Variants in SLC5A4 observed in about 807,000 individuals in gnomAD.
The protein encoded by SLC5A4 is probable glucose sensor protein SLC5A4.
SLC5A4 carries 55 observed loss-of-function variants against 70.3 expected under a neutral mutation model. The ratio of observed to expected loss-of-function variants is 0.78; its 90% CI spans 0.63 to 0.98. The LOEUF (loss-of-function observed/expected upper bound fraction) is 0.98. SLC5A4 is among the 50% of genes least tolerant of loss of function. The pLI is 0.00. For synonymous variants in SLC5A4, 268 were observed against 305.7 expected (o/e 0.88, Z 1.29); for missense variants, 735 against 839.2 (o/e 0.88, Z 1.53).
chr22:32,270,415 A>G, the SLC5A4 span: 7 of 1,453,872 alleles, frequency 4.8e-6, no homozygotes, highest in African/African-American at 1.4e-5. Context: ...CGACATGTGG[A>G]CAGTCATCGC....
chr22:32,239,555 T>A (rs933968725), intron 5 of SLC5A4, among the ~76,000 whole-genome samples: 768 of 15,418 alleles, frequency 0.05, 30 homozygotes, highest in Non-Finnish European at 0.072. Context: ...TATATATATA[T>A]ATATATATAT....
chr22:32,283,521 T>C, the SLC5A4 span, among the ~76,000 whole-genome samples: 2 of 152,244 alleles, frequency 1.3e-5, no homozygotes, highest in Admixed American at 1.3e-4. Flanking sequence ...GTGCATTGTT[T>C]GCCAATTCCC....
At chr22:32,347,668 A>C in the SLC5A4 span, among the ~76,000 whole-genome samples, 1 of 131,594 alleles carries the variant, frequency 7.6e-6, no homozygotes, top group African/African-American at 2.8e-5. Flanking sequence ...GAACACATGG[A>C]CACAGGAAGG....
the SLC5A4 span, among the ~76,000 whole-genome samples, chr22:32,351,679 A>G: frequency 8.2e-6 from 1 of 121,358 alleles, no homozygotes. Context: ...CAGCCTGGGC[A>G]ACAGAGCAAG....
chr22:32,234,733 G>A (rs954795071), intron 8 of SLC5A4, 140 bp downstream of exon 8: 6 of 710,228 alleles, frequency 8.4e-6, no homozygotes, highest in East Asian at 5.0e-5. Context: ...AACAGAGAAG[G>A]GTTTGACTCT....
the SLC5A4 span, among the ~76,000 whole-genome samples, chr22:32,263,489 C>T: frequency 2.0e-5 from 3 of 152,072 alleles, no homozygotes; most frequent in Non-Finnish European, 4.4e-5. Flanking sequence ...CAAACCAAAA[C>T]CACAATGAGA....
the SLC5A4 span, among the ~76,000 whole-genome samples, chr22:32,347,829 C>A: frequency 6.6e-6 from 1 of 151,262 alleles, no homozygotes; most frequent in African/African-American, 2.4e-5. Flanking sequence ...ATGTTGTGCA[C>A]ATGTACCCTA....
At chr22:32,232,825 T>G in intron 9 of SLC5A4, 74 bp downstream of exon 9, 1 of 1,510,080 alleles carries the variant, frequency 6.6e-7, no homozygotes, top group Non-Finnish European at 8.9e-7. Flanking sequence ...TTTCTCAAGG[T>G]TTTATGACAT....
the SLC5A4 span, among the ~76,000 whole-genome samples, chr22:32,339,522 G>A: frequency 5.3e-5 from 8 of 152,262 alleles, no homozygotes; most frequent in African/African-American, 1.4e-4. Context: ...GGTGTTCGAC[G>A]TAAACTCATG....
Position 32,229,301 on chromosome 22 carries a change from C to T in SLC5A4, c.1173G>A (p.Met391Ile). ...LMLSVMLASL[M>I]SSLTSIFNSA... ...TGTTGAAGATGGAGGTCAGGGAGCT[C>T]ATGAGAGAGGCCAGCATGACCGAAA... is the stretch of plus-strand genomic sequence containing the variant. The change falls in exon 11 of 15, where the codon ATG becomes ATA. Residue 391 changes from methionine (M) to isoleucine (I), a missense_variant. By Grantham distance (10) the Met-to-Ile change is conservative. Coordinates refer to ENST00000266086, the MANE Select transcript of SLC5A4 (RefSeq NM_014227.3). 1 of 1,614,154 alleles carries T rather than the reference C, an allele frequency of 6.2e-7. No homozygotes were observed. Among genetic ancestry groups the T allele is most frequent in the Non-Finnish European group, 8.5e-7 (1 of 1,180,036 alleles).
At chr22:32,291,862 TA>T in the SLC5A4 span, among the ~76,000 whole-genome samples, 6 of 39,750 alleles carry the variant, frequency 1.5e-4, no homozygotes, top group Non-Finnish European at 1.1e-4. Context: ...ATATATAATT[TA>T]TTTTTCTTTT....
intron 12 of SLC5A4, 106 bp downstream of exon 12, chr22:32,225,549 A>G (rs1925341854): frequency 1.4e-6 from 1 of 715,380 alleles, no homozygotes; most frequent in Non-Finnish European, 2.4e-6. Context: ...AAGATGGGCC[A>G]TGATTTGCAT....
the SLC5A4 span, among the ~76,000 whole-genome samples, chr22:32,349,218 C>G: frequency 1.3e-5 from 2 of 151,668 alleles, no homozygotes; most frequent in Non-Finnish European, 2.9e-5. Context: ...CATGATCCAC[C>G]CACCTTGGCC....
At chr22:32,276,299 A>G in the SLC5A4 span, among the ~76,000 whole-genome samples, 2 of 152,228 alleles carry the variant, frequency 1.3e-5, no homozygotes, top group African/African-American at 4.8e-5. Context: ...TGAGCTATCA[A>G]TGAATGTCAT....
upstream of SLC5A4, among the ~76,000 whole-genome samples, chr22:32,257,659 CTT>C (rs58908133): frequency 7.0e-6 from 1 of 141,932 alleles, no homozygotes; most frequent in African/African-American, 2.7e-5. Flanking sequence ...GCAAGGTTTT[CTT>C]TTTTTTTTAA....
the SLC5A4 span, among the ~76,000 whole-genome samples, chr22:32,326,109 G>A: frequency 5.3e-5 from 8 of 152,204 alleles, no homozygotes; most frequent in African/African-American, 1.9e-4. Flanking sequence ...GACCCTCTGT[G>A]ACAATAACCC....
the SLC5A4 span, chr22:32,269,999 C>A: frequency 2.0e-6 from 1 of 502,262 alleles, no homozygotes. This position sits in a 1 kb window ranked among gnomAD's most constrained non-coding sequence, Gnocchi z 4.1. Flanking sequence ...CTCAAGTACA[C>A]CGAGAAGCTT....
At chr22:32,326,647 C>G in the SLC5A4 span, among the ~76,000 whole-genome samples, 1 of 152,130 alleles carries the variant, frequency 6.6e-6, no homozygotes, top group Non-Finnish European at 1.5e-5. Flanking sequence ...GCAAACAGTA[C>G]AGGGACATCA....
the SLC5A4 span, among the ~76,000 whole-genome samples, chr22:32,344,295 G>C: frequency 2.0e-5 from 3 of 152,138 alleles, no homozygotes; most frequent in African/African-American, 7.2e-5. Context: ...CTAGTTTCCA[G>C]ATAGCATTAC....
Sources: gnomAD v4.1 joint callset for allele counts (sites outside exome capture counted in the v4.1 genomes callset) on GRCh38, gnomAD v4.1.1 for gene constraint, Gnocchi (gnomAD v3.1) non-coding constraint, MANE v1.5 for transcripts, NCBI Gene and HGNC (gene_info 2026-07-23, HGNC 2026-07-21) for gene names.